The following TCF7L1 variants were observed in gnomAD, a reference collection of about 807,000 sequenced individuals.
TCF7L1 encodes transcription factor 7-like 1.
A neutral mutation model predicts 63.7 loss-of-function variants in TCF7L1; 18 were observed. That is an observed-to-expected ratio of 0.28 (90% confidence interval 0.20 to 0.42). TCF7L1 has a LOEUF of 0.42. Ranked by LOEUF, TCF7L1 falls within the 10% of genes least tolerant of loss-of-function variation. The pLI, the probability that TCF7L1 is intolerant of heterozygous loss-of-function variation, is 1.00. For synonymous variants in TCF7L1, 355 were observed against 340.9 expected (o/e 1.04, Z -0.46); for missense variants, 654 against 779.3 (o/e 0.84, Z 1.91).
chr2:85,237,354 G>A (rs1680216942), intron 3 of TCF7L1, among the ~76,000 whole-genome samples: 1 of 152,028 alleles, frequency 6.6e-6, no homozygotes, highest in Non-Finnish European at 1.5e-5. Flanking sequence ...TGTTATAACT[G>A]TGGCCCCTGA....
intron 3 of TCF7L1, among the ~76,000 whole-genome samples, chr2:85,184,831 T>C (rs148263161): frequency 6.6e-6 from 1 of 152,000 alleles, no homozygotes; most frequent in African/African-American, 2.4e-5. Context: ...GCTAGGTCTT[T>C]GCTGTTCAGT....
rs757330760 is a variant in TCF7L1, at chr2:85,303,891, G to A, written c.659-4G>A. 14 of 1,606,384 alleles carry A rather than the reference G, an allele frequency of 8.7e-6. No homozygotes were observed. The South Asian group carries it at 9.9e-5, about 11-fold the overall frequency. ...CAGTCTGACATATCTCTCTTTGGAA[G>A]CAGGAATCCCCCGGCCCCCTCACCC... On this transcript the variant is annotated splice_polypyrimidine_tract_variant and splice_region_variant and intron_variant, in intron 5 of 11. Transcript: ENST00000282111.
intron 3 of TCF7L1, among the ~76,000 whole-genome samples, chr2:85,161,590 G>A (rs1277329000): frequency 3.9e-5 from 6 of 152,214 alleles, no homozygotes; most frequent in Non-Finnish European, 7.3e-5. Context: ...TCACCCCTGC[G>A]GTGTTGGTCT....
chr2:85,186,199 C>T (rs1330612092), intron 3 of TCF7L1, among the ~76,000 whole-genome samples: 2 of 152,092 alleles, frequency 1.3e-5, no homozygotes, highest in Admixed American at 1.3e-4. Flanking sequence ...AATCTCCTGA[C>T]CTCGTGATCC....
Position 85,134,568 on chromosome 2 carries a change from G to C in TCF7L1, c.441+118G>C. ...TCTGCGCCGATCCCAAGCAGAACTT[G>C]TTTGCGGAGTTGAACTACTCTCTGG... On this transcript the variant is annotated intron_variant, in intron 3 of 11. Transcript: ENST00000282111. This position sits in a 1 kb window ranked among gnomAD's most constrained non-coding sequence, Gnocchi z 5.0. The C allele has an allele frequency of 7.2e-7, 1 of 1,392,414 alleles. No individual in the cohort carries two copies. The highest frequency in any genetic ancestry group is 2.6e-4 in the Middle Eastern group (1 of 3,806). 86.3% of individuals were successfully genotyped at this position (1,392,414 alleles called of 1,614,324 possible). A position where few individuals can be genotyped will look rare whatever the true frequency, so the allele number is the denominator to read the frequency against.
chr2:85,148,119 G>A (rs1677924404), intron 3 of TCF7L1, among the ~76,000 whole-genome samples: 1 of 152,150 alleles, frequency 6.6e-6, no homozygotes, highest in African/African-American at 2.4e-5. Context: ...CCTTGTTAGG[G>A]AGAGTGAGAC....
chr2:85,213,805 C>G (rs576995749), intron 3 of TCF7L1: 1 of 152,216 alleles, frequency 6.6e-6, no homozygotes, highest in African/African-American at 2.4e-5. Flanking sequence ...TTTCTCTTCT[C>G]AGAATCTCTG....
intron 7 of TCF7L1, 64 bp downstream of exon 7, chr2:85,304,402 A>G: frequency 6.5e-7 from 1 of 1,550,104 alleles, no homozygotes; most frequent in Non-Finnish European, 8.8e-7. Flanking sequence ...TCTGACCACG[A>G]AACAGCTTTT....
intron 3 of TCF7L1, chr2:85,186,628 G>A (rs1678931358): frequency 6.6e-6 from 1 of 152,094 alleles, no homozygotes; most frequent in South Asian, 2.1e-4. Context: ...CATTCAATTG[G>A]ATTTGATTCG....
intron 3 of TCF7L1, among the ~76,000 whole-genome samples, chr2:85,234,510 T>C (rs1297033258): frequency 1.3e-5 from 2 of 152,182 alleles, no homozygotes; most frequent in African/African-American, 4.8e-5. Flanking sequence ...TACTGCATCT[T>C]TTGAAGGAAT....
chr2:85,151,615 A>G (rs967329848), intron 3 of TCF7L1, among the ~76,000 whole-genome samples: 2 of 152,234 alleles, frequency 1.3e-5, no homozygotes, highest in Non-Finnish European at 2.9e-5. Context: ...AAAAAGAGAA[A>G]CTACCCCTCA....
chr2:85,226,810 C>G (rs964814675), intron 3 of TCF7L1, among the ~76,000 whole-genome samples: 1 of 148,588 alleles, frequency 6.7e-6, no homozygotes, highest in African/African-American at 2.6e-5. Context: ...GTTTATCTCC[C>G]CCCGCCTTTT....
At chr2:85,178,201 T>A (rs746967960) in intron 3 of TCF7L1, among the ~76,000 whole-genome samples, 1 of 152,206 alleles carries the variant, frequency 6.6e-6, no homozygotes, top group Non-Finnish European at 1.5e-5. Context: ...ACCATTTGAA[T>A]TATTTAGAAG....
At chr2:85,161,869 G>A (rs1043102530) in intron 3 of TCF7L1, among the ~76,000 whole-genome samples, 22 of 152,104 alleles carry the variant, frequency 1.4e-4, no homozygotes, top group African/African-American at 5.1e-4. Flanking sequence ...GAGCTCAGAG[G>A]CTTGTGGTGA....
At position 85,275,586 on chromosome 2, in the gene TCF7L1, G is replaced by A. The variant is rs1014850497; in HGVS notation, c.442-7909G>A. Among the ~76,000 whole-genome samples the A allele has an allele frequency of 3.9e-4, 60 of 152,304 alleles. 1 individual carries two copies. Among genetic ancestry groups the A allele is most frequent in the African/African-American group, 1.3e-3 (56 of 41,570 alleles). On this transcript the variant is annotated intron_variant, in intron 3 of 11. Coordinates refer to ENST00000282111, the MANE Select transcript of TCF7L1 (RefSeq NM_031283.3). ...AAGCCATTTGTTGACTAAATGCTGT[G>A]ACAGGTGCTAGAGAGAGCAAAGTCA...
In TCF7L1 at chr2:85,309,564, G is replaced by A; in HGVS notation, c.*102G>A. The A allele has an allele frequency of 1.6e-6, 2 of 1,247,212 alleles. No individual in the cohort carries two copies. The highest frequency in any genetic ancestry group is 1.5e-5 in the African/African-American group (1 of 66,422). 77.3% of individuals were successfully genotyped at this position (1,247,212 alleles called of 1,614,324 possible). On this transcript the variant is annotated 3_prime_UTR_variant, in exon 12 of 12. Transcript: ENST00000282111. ...TTATTGGTCAATATTTGACCACTCT[G>A]GACTGTTCTGTAAAGTGGCTGGTAA...
intron 3 of TCF7L1, among the ~76,000 whole-genome samples, chr2:85,239,665 G>T (rs1056982166): frequency 3.3e-5 from 5 of 152,212 alleles, no homozygotes; most frequent in Admixed American, 3.3e-4. Context: ...AATGAAGATC[G>T]GGCGCAGTGG....
chr2:85,168,128 G>A (rs1210166587), intron 3 of TCF7L1, among the ~76,000 whole-genome samples: 1 of 151,764 alleles, frequency 6.6e-6, no homozygotes, highest in African/African-American at 2.4e-5. Flanking sequence ...TAGTGCCCAT[G>A]GTTTAGAGTT....
At chr2:85,304,452 C>A (rs373501501) in intron 7 of TCF7L1, 114 bp downstream of exon 7, 2 of 1,079,308 alleles carry the variant, frequency 1.9e-6, no homozygotes, top group East Asian at 2.6e-5. Context: ...TCACCCTCCC[C>A]CCACCTCTCT....
Sources: gnomAD v4.1 joint callset for allele counts (sites outside exome capture counted in the v4.1 genomes callset) on GRCh38, gnomAD v4.1.1 for gene constraint, Gnocchi (gnomAD v3.1) non-coding constraint, MANE v1.5 for transcripts, NCBI Gene and HGNC (gene_info 2026-07-23, HGNC 2026-07-21) for gene names.